NRXN3: variants seen among roughly 807,000 people sequenced by gnomAD.
NRXN3 encodes the protein neurexin 3, also known as neurexin III.
NRXN3 carries 32 observed loss-of-function variants against 137.6 expected under a neutral mutation model. The observed-to-expected ratio is 0.23, with a 90% CI of 0.18 to 0.31. The LOEUF (loss-of-function observed/expected upper bound fraction) is 0.31, where lower values mean the gene tolerates loss of function less well. Ranked by LOEUF, NRXN3 falls within the 10% of genes least tolerant of loss-of-function variation. The probability of loss-of-function intolerance (pLI) is 1.00; values close to 1 mark genes in which losing one functional copy is unlikely to be tolerated. For synonymous variants in NRXN3, 798 were observed against 784.5 expected (o/e 1.02, Z -0.29); for missense variants, 1,574 against 2,062.5 (o/e 0.76, Z 4.59).
At chr14:78,371,954 T>C (rs1230994728) in intron 4 of NRXN3, among the ~76,000 whole-genome samples, 2 of 152,220 alleles carry the variant, frequency 1.3e-5, no homozygotes, top group Admixed American at 1.3e-4. Context: ...GCACAGTGAG[T>C]GACTTGTCTA....
chr14:79,850,960 A>G (rs1407572240), intron 20 of NRXN3, among the ~76,000 whole-genome samples: 1 of 152,232 alleles, frequency 6.6e-6, no homozygotes, highest in African/African-American at 2.4e-5. Context: ...TTGCAAAGTG[A>G]CAACCCTAAA....
At chr14:78,175,150 A>G (rs2059143762) in intron 1 of NRXN3, among the ~76,000 whole-genome samples, 1 of 152,056 alleles carries the variant, frequency 6.6e-6, no homozygotes, top group South Asian at 2.1e-4. Context: ...TCTCTTTATT[A>G]GTAATTATAA....
intron 16 of NRXN3, among the ~76,000 whole-genome samples, chr14:79,528,750 A>G (rs73324266): frequency 0.014 from 2,062 of 152,204 alleles, 47 homozygotes; most frequent in African/African-American, 0.047. Flanking sequence ...CATTTCCTAA[A>G]CATGATGTGC....
At chr14:78,974,040 C>T (rs2099454594) in intron 14 of NRXN3, among the ~76,000 whole-genome samples, 1 of 151,924 alleles carries the variant, frequency 6.6e-6, no homozygotes, top group Non-Finnish European at 1.5e-5. Context: ...AGCAGATTCA[C>T]ATATATTTTA....
In NRXN3 at chr14:79,345,067, A is replaced by C. The variant is rs79376779; in HGVS notation, c.3263-122154A>C. 2.9e-4 allele frequency among the ~76,000 whole-genome samples: 44 copies of C among 152,314 alleles called. 1 individual carries two copies. In the East Asian group the frequency reaches 8.5e-3, roughly 29 times the overall value. ...GTCCTCTATTCACGAAGAACAAGAA[A>C]ACATCTCCAGTTTAACTGCATTTTT... On this transcript the variant is annotated intron_variant, in intron 15 of 20. Transcript: ENST00000335750.
intron 15 of NRXN3, among the ~76,000 whole-genome samples, chr14:79,435,585 C>T (rs965795322): frequency 5.1e-5 from 6 of 118,226 alleles, no homozygotes; most frequent in Admixed American, 1.0e-4. Flanking sequence ...GGATGTAGAA[C>T]ACTAAGATAC....
At chr14:79,093,998 A>G (rs2049755530) in intron 15 of NRXN3, among the ~76,000 whole-genome samples, 1 of 152,076 alleles carries the variant, frequency 6.6e-6, no homozygotes. Context: ...CCAAATATGC[A>G]TTTATCAGGA....
At chr14:79,413,361 G>A (rs1440930496) in intron 15 of NRXN3, among the ~76,000 whole-genome samples, 1 of 152,112 alleles carries the variant, frequency 6.6e-6, no homozygotes, top group Non-Finnish European at 1.5e-5. Context: ...CCTTCCATCT[G>A]TGCTGTTTGG....
intron 15 of NRXN3, among the ~76,000 whole-genome samples, chr14:79,458,435 A>G (rs2153599444): frequency 6.6e-6 from 1 of 152,276 alleles, no homozygotes; most frequent in Middle Eastern, 3.4e-3. Flanking sequence ...TGAACATTGT[A>G]TATTCTTATT....
chr14:79,319,626 G>T (rs1794760353), intron 15 of NRXN3, among the ~76,000 whole-genome samples: 2 of 152,226 alleles, frequency 1.3e-5, no homozygotes, highest in Non-Finnish European at 2.9e-5. Context: ...GTGAGATGTG[G>T]TCTTCTAGTT....
chr14:78,938,814 T>C (rs914856829), intron 10 of NRXN3, among the ~76,000 whole-genome samples: 1 of 151,344 alleles, frequency 6.6e-6, no homozygotes, highest in East Asian at 1.9e-4. Flanking sequence ...CCCAGCCATG[T>C]AGACTTTATA....
intron 15 of NRXN3, among the ~76,000 whole-genome samples, chr14:79,191,778 CT>C (rs1004602842): frequency 2.0e-5 from 3 of 151,860 alleles, no homozygotes; most frequent in Admixed American, 6.6e-5. Context: ...ATGGATTTAA[CT>C]GCTGATTTGT....
chr14:78,602,235 C>T (rs142861402), intron 4 of NRXN3, among the ~76,000 whole-genome samples: 63 of 140,650 alleles, frequency 4.5e-4, no homozygotes, highest in African/African-American at 1.7e-3. Context: ...GGTATATAGG[C>T]TTCTCTGGTT....
intron 15 of NRXN3, among the ~76,000 whole-genome samples, chr14:79,308,844 CTTTTT>C (rs34580008): frequency 2.0e-4 from 18 of 89,388 alleles, no homozygotes; most frequent in African/African-American, 7.3e-4. Flanking sequence ...GGGAAGCATT[CTTTTT>C]TTTTTTTTTT....
rs144192004 is a variant in NRXN3 at position 79,279,668 on chromosome 14, T to C, written c.3263-187553T>C. 2.6e-4 allele frequency: 254 copies of C among 986,652 alleles called. No homozygotes were observed. The African/African-American group carries it at 4.0e-3, about 15-fold the overall frequency. 61.1% of individuals were successfully genotyped at this position (986,652 alleles called of 1,614,324 possible). On this transcript the variant is annotated intron_variant, in intron 15 of 20. Transcript: ENST00000335750. ...ACCCAGGAAGCCGGCGGCTGCTCCG[T>C]GGCGCTAGTCCAGCACGCCCAGGGT...
intron 15 of NRXN3, among the ~76,000 whole-genome samples, chr14:79,390,610 A>G (rs969620181): frequency 3.3e-5 from 5 of 152,164 alleles, no homozygotes; most frequent in African/African-American, 1.2e-4. Context: ...CTGTCCTTCT[A>G]TCTAAATACT....
chr14:79,275,285 A>C (rs1379181316), intron 15 of NRXN3, among the ~76,000 whole-genome samples: 2 of 152,080 alleles, frequency 1.3e-5, no homozygotes, highest in African/African-American at 2.4e-5. Flanking sequence ...CTTTGTAGAG[A>C]TAGAAAGTAA....
intron 15 of NRXN3, among the ~76,000 whole-genome samples, chr14:79,192,255 A>G (rs951209877): frequency 6.6e-6 from 1 of 152,166 alleles, no homozygotes; most frequent in Non-Finnish European, 1.5e-5. Flanking sequence ...TTGTTCTGTA[A>G]AATATGATAA....
chr14:79,193,947 A>G (rs1044310740), intron 15 of NRXN3, among the ~76,000 whole-genome samples: 1 of 152,228 alleles, frequency 6.6e-6, no homozygotes. Flanking sequence ...TTCAACCCAG[A>G]TGAGACAATC....
Sources: gnomAD v4.1 joint callset for allele counts (sites outside exome capture counted in the v4.1 genomes callset) on GRCh38, gnomAD v4.1.1 for gene constraint, MANE v1.5 for transcripts, NCBI Gene and HGNC (gene_info 2026-07-23, HGNC 2026-07-21) for gene names.